Variants in MCC observed in about 807,000 individuals in gnomAD.
The protein encoded by MCC is colorectal mutant cancer protein.
Under a neutral mutation model 116.2 loss-of-function variants are expected in MCC, and 90 were observed. The observed-to-expected ratio is 0.77, with a 90% CI of 0.65 to 0.92. MCC has a LOEUF of 0.92. Among genes scored for constraint, MCC ranks in the 40% least tolerant of loss-of-function variants. The pLI, the probability that MCC is intolerant of heterozygous loss-of-function variation, is 0.00. For synonymous variants in MCC, 578 were observed against 510.5 expected (o/e 1.13, Z -1.78); for missense variants, 1,516 against 1,312.2 (o/e 1.16, Z -2.40).
chr5:113,474,503 G>C (rs1003445393), intron 1 of MCC, among the ~76,000 whole-genome samples: 1 of 152,180 alleles, frequency 6.6e-6, no homozygotes. Context: ...TGGAGTCACC[G>C]TGCCAGACAG....
chr5:113,060,883 G>A (rs776163252), intron 14 of MCC, among the ~76,000 whole-genome samples: 4 of 152,148 alleles, frequency 2.6e-5, no homozygotes, highest in Non-Finnish European at 5.9e-5. Flanking sequence ...AGATGGAAAA[G>A]CACCTCTCCT....
At chr5:113,236,771 C>A (rs925687328) in intron 3 of MCC, among the ~76,000 whole-genome samples, 1 of 152,096 alleles carries the variant, frequency 6.6e-6, no homozygotes. Context: ...AGAACTAAGG[C>A]CCCTCCCTCC....
At chr5:113,246,501 G>C (rs1027499801) in intron 3 of MCC, among the ~76,000 whole-genome samples, 1 of 152,160 alleles carries the variant, frequency 6.6e-6, no homozygotes, top group Non-Finnish European at 1.5e-5. Flanking sequence ...GAGAAGGAAT[G>C]GCTTAATTTT....
intron 15 of MCC, among the ~76,000 whole-genome samples, chr5:113,052,734 C>T (rs1488052360): frequency 6.6e-6 from 1 of 152,188 alleles, no homozygotes; most frequent in East Asian, 1.9e-4. Context: ...CTCTGGCTTG[C>T]TAGACTCCAG....
intron 1 of MCC, among the ~76,000 whole-genome samples, chr5:113,467,602 T>C (rs1368166929): frequency 1.3e-5 from 2 of 152,298 alleles, no homozygotes; most frequent in East Asian, 1.9e-4. Flanking sequence ...TAGTATAGTT[T>C]GAAGTCAGGT....
chr5:113,446,472 G>A (rs1468710095), intron 1 of MCC, among the ~76,000 whole-genome samples: 1 of 152,166 alleles, frequency 6.6e-6, no homozygotes, highest in Non-Finnish European at 1.5e-5. Flanking sequence ...AGACATATAA[G>A]TGGCTGATAA....
At chr5:113,100,235 T>A (rs555793627) in intron 8 of MCC, among the ~76,000 whole-genome samples, 7 of 152,312 alleles carry the variant, frequency 4.6e-5, no homozygotes, top group African/African-American at 1.7e-4. Flanking sequence ...TAGTAATTTC[T>A]TCCATATTTT....
chr5:113,472,942 G>A (rs1772133223), intron 1 of MCC, among the ~76,000 whole-genome samples: 1 of 152,176 alleles, frequency 6.6e-6, no homozygotes, highest in Admixed American at 6.5e-5. Context: ...TTCATTCAAT[G>A]TTGCTTTAGC....
chr5:113,330,990 G>C (rs1342648329), intron 3 of MCC, among the ~76,000 whole-genome samples: 1 of 152,120 alleles, frequency 6.6e-6, no homozygotes, highest in Non-Finnish European at 1.5e-5. Flanking sequence ...ATTGCCAAAG[G>C]GCAGAAGAAA....
chr5:113,168,229 G>T (rs1393122164), intron 3 of MCC, among the ~76,000 whole-genome samples: 4 of 152,148 alleles, frequency 2.6e-5, no homozygotes, highest in Non-Finnish European at 5.9e-5. Flanking sequence ...GTACATGCTT[G>T]TGGAAACAAG....
chr5:113,376,737 G>C (rs1238916090), intron 2 of MCC, among the ~76,000 whole-genome samples: 1 of 152,094 alleles, frequency 6.6e-6, no homozygotes, highest in Non-Finnish European at 1.5e-5. Context: ...TCGCCTTTCT[G>C]GTAGTGACAG....
intron 5 of MCC, among the ~76,000 whole-genome samples, chr5:113,133,964 T>C (rs1334866266): frequency 6.6e-6 from 1 of 152,226 alleles, no homozygotes; most frequent in Non-Finnish European, 1.5e-5. Flanking sequence ...TTTTTTGTGC[T>C]ACTGAGTTCC....
At chr5:113,272,609 T>G (rs993749722) in intron 3 of MCC, among the ~76,000 whole-genome samples, 1 of 152,174 alleles carries the variant, frequency 6.6e-6, no homozygotes, top group Non-Finnish European at 1.5e-5. Flanking sequence ...TTGTCCATGT[T>G]AGGATATGTT....
intron 2 of MCC, among the ~76,000 whole-genome samples, chr5:113,381,534 T>A (rs1769120593): frequency 6.6e-6 from 1 of 152,154 alleles, no homozygotes. Context: ...TTGCCTGTAA[T>A]CTCAGCACTC....
intron 3 of MCC, among the ~76,000 whole-genome samples, chr5:113,248,827 C>T (rs1039470739): frequency 1.5e-5 from 2 of 134,472 alleles, no homozygotes; most frequent in Admixed American, 8.3e-5. Context: ...CATTCTCTCT[C>T]TCTTCTTTTT....
At chr5:113,337,728 A>G (rs886181840) in intron 3 of MCC, among the ~76,000 whole-genome samples, 1 of 152,226 alleles carries the variant, frequency 6.6e-6, no homozygotes, top group Non-Finnish European at 1.5e-5. Context: ...TATTTAAAAG[A>G]AAAATAATAA....
chr5:113,315,625 C>G (rs1767259582), intron 3 of MCC, among the ~76,000 whole-genome samples: 3 of 141,650 alleles, frequency 2.1e-5, no homozygotes, highest in Admixed American at 1.6e-4. Flanking sequence ...CCTAGCACTT[C>G]AGGAAGCTGA....
chr5:113,047,644 G>A (rs928449330), intron 16 of MCC, among the ~76,000 whole-genome samples: 9 of 152,280 alleles, frequency 5.9e-5, no homozygotes, highest in Admixed American at 2.6e-4. Flanking sequence ...ATATGTCTGC[G>A]AGTCCTGGGT....
chr5:113,451,603 G>A (rs573863841), intron 1 of MCC, among the ~76,000 whole-genome samples: 4 of 152,214 alleles, frequency 2.6e-5, no homozygotes, highest in South Asian at 2.1e-4. Flanking sequence ...GCATGGTGGC[G>A]CATGCCTGTA....
Sources: allele counts gnomAD v4.1 joint callset (sites outside exome capture counted in the v4.1 genomes callset), GRCh38; gene constraint gnomAD v4.1.1; transcripts MANE v1.5; gene names NCBI Gene and HGNC (gene_info 2026-07-23, HGNC 2026-07-21).